Variants in OVOL3 observed in about 807,000 individuals in gnomAD.
The protein encoded by OVOL3 is putative transcription factor ovo-like protein 3.
Under a neutral mutation model 13.6 loss-of-function variants are expected in OVOL3, and 15 were observed. The ratio of observed to expected loss-of-function variants is 1.11; its 90% CI spans 0.74 to 1.70. OVOL3 has a LOEUF of 1.70. Among genes scored for constraint, OVOL3 ranks in the 40% most tolerant of loss-of-function variants. The pLI, the probability that OVOL3 is intolerant of heterozygous loss-of-function variation, is 0.00. For synonymous variants in OVOL3, 102 were observed against 108.5 expected (o/e 0.94, Z 0.37); for missense variants, 290 against 280.6 (o/e 1.03, Z -0.24).
chr19:36,113,034 G>T, intron 3 of OVOL3, 70 bp downstream of exon 3: 2 of 1,442,056 alleles, frequency 1.4e-6, no homozygotes, highest in Non-Finnish European at 1.9e-6. Flanking sequence ...GGAGAGAGGT[G>T]CTGGGCTGTG....
rs572444784 is a variant in OVOL3 at position 36,111,469 on chromosome 19, C to T, written c.159+36C>T. The T allele has an allele frequency of 1.1e-5, 17 of 1,528,448 alleles. No individual in the cohort carries two copies. The East Asian group carries it at 1.5e-4, about 13-fold the overall frequency. 94.7% of individuals were successfully genotyped at this position (1,528,448 alleles called of 1,614,324 possible). ...AACTGGCTAGCAAAGCCAGCTGTTT[C>T]GCTCCTGCCTGCTCTCAGCCTTAAT... On this transcript the variant is annotated intron_variant, in intron 2 of 3. Transcript: ENST00000633214.
chr19:36,112,983 A>G lies in OVOL3; in HGVS notation c.364+19A>G, dbSNP rs921804655. ...CACACTGGTGAGCAGTGGCAGGGAC[A>G]GGGAAAAGTTGCTGGGCCCCAGGTG... On this transcript the variant is annotated intron_variant, in intron 3 of 3. Transcript: ENST00000633214. 4 of 1,532,188 alleles carry G rather than the reference A, an allele frequency of 2.6e-6. No homozygotes were observed. The Admixed American group carries it at 5.9e-5, about 23-fold the overall frequency. 94.9% of individuals were successfully genotyped at this position (1,532,188 alleles called of 1,614,324 possible).
chr19:36,112,921 T>C lies in OVOL3; in HGVS notation c.321T>C (p.Phe107=). 1.3e-6 allele frequency: 2 copies of C among 1,536,250 alleles called. No individual in the cohort carries two copies. The highest frequency in any genetic ancestry group is 1.7e-6 in the Non-Finnish European group (2 of 1,146,936). ...RHLCRCCGKG[F]HDAFDLKRHM... ...TGTGCCGCTGTTGTGGCAAGGGCTT[T>C]CATGACGCCTTCGATCTCAAGCGCC... The change falls in exon 3 of 4, where the codon TTT becomes TTC. Residue 107 remains phenylalanine, a synonymous_variant. Coordinates refer to ENST00000633214, the MANE Select transcript of OVOL3 (RefSeq NM_001302757.2).
At chr19:36,112,689 A>C (rs1973851484) in intron 2 of OVOL3, 71 bp from the exon 3 acceptor site, 3 of 1,345,112 alleles carry the variant, frequency 2.2e-6, no homozygotes, top group Non-Finnish European at 3.0e-6. Context: ...CTCTGTAAAT[A>C]CTCATTTGCA....
Position 36,111,675 on chromosome 19 carries a change from C to G in OVOL3, c.159+242C>G, listed in dbSNP as rs565215307. On this transcript the variant is annotated intron_variant, in intron 2 of 3. Coordinates refer to ENST00000633214, the MANE Select transcript of OVOL3 (RefSeq NM_001302757.2). ...CACAGGGATCTCTTCCAGCGGGGCA[C>G]AAGATTCATCCCCACATGTGGATGA... 6.0e-6 allele frequency: 4 copies of G among 666,376 alleles called. No individual in the cohort carries two copies. In the East Asian group the frequency reaches 1.2e-4, roughly 20 times the overall value. 41.3% of individuals were successfully genotyped at this position (666,376 alleles called of 1,614,324 possible). A position where few individuals can be genotyped will look rare whatever the true frequency, so the allele number is the denominator to read the frequency against.
intron 1 of OVOL3, 21 bp from the exon 2 acceptor site, chr19:36,111,348 C>T (rs921218618): frequency 3.3e-6 from 5 of 1,535,482 alleles, no homozygotes; most frequent in Non-Finnish European, 4.4e-6. Context: ...CGCAGTGTCA[C>T]CATCTGGCTT....
rs1320497743 is a variant in OVOL3 at position 36,113,617 on chromosome 19, C to T, written c.529C>T (p.Pro177Ser). The T allele has an allele frequency of 3.2e-6, 5 of 1,543,880 alleles. No individual in the cohort carries two copies. Among genetic ancestry groups the T allele is most frequent in the Non-Finnish European group, 4.4e-6 (5 of 1,146,910 alleles). The change falls in exon 4 of 4, where the codon CCC becomes TCC. Residue 177 changes from proline to serine, a missense_variant. By Grantham distance (74) the Pro-to-Ser change is moderately conservative. Transcript: ENST00000633214. ...CEDCGFTSSR[P>S]DTYAQHRALH... The stretch of plus-strand genomic sequence containing the variant: ...GGACTGCGGCTTCACCAGCTCCCGG[C>T]CCGACACCTACGCACAGCACCGCGC...
At position 36,112,893 on chromosome 19, in the gene OVOL3, A is replaced by C; in HGVS notation, c.293A>C (p.His98Pro). ...AAGTGCCACAGCCCCGTGCGCCGCC[A>C]CCTGTGCCGCTGTTGTGGCAAGGGC... ...HLKCHSPVRR[H>P]LCRCCGKGFH... Residue 98 changes from histidine to proline, a missense_variant, in exon 3 of 4, where the codon CAC (histidine) becomes CCC (proline). Physicochemically the swap from His to Pro is moderately conservative, Grantham distance 77. Coordinates refer to ENST00000633214, the MANE Select transcript of OVOL3 (RefSeq NM_001302757.2). The C allele has an allele frequency of 6.5e-7, 1 of 1,536,168 alleles. No homozygotes were observed. Among genetic ancestry groups the C allele is most frequent in the South Asian group, 1.2e-5 (1 of 84,066 alleles).
chr19:36,112,579 G>A (rs537192350), intron 2 of OVOL3, among the ~76,000 whole-genome samples, 181 bp from the exon 3 acceptor site: 5 of 152,212 alleles, frequency 3.3e-5, no homozygotes, highest in Admixed American at 1.3e-4. Context: ...AGAAAGTAAG[G>A]ACCATGGGAT....
rs140340806 is a variant in OVOL3 at position 36,111,345 on chromosome 19, T to A, written c.95-24T>A. 4,397 of 1,535,424 alleles carry A rather than the reference T, an allele frequency of 2.9e-3. 14 individuals are homozygous for A. The highest frequency in any genetic ancestry group is 3.5e-3 in the Non-Finnish European group (3,977 of 1,146,434). On this transcript the variant is annotated intron_variant, in intron 1 of 3. Coordinates refer to ENST00000633214, the MANE Select transcript of OVOL3 (RefSeq NM_001302757.2). ...GGTAAGGGGCAGGAGAGACGCAGTG[T>A]CACCATCTGGCTTTTCTCCTCAGAC...
At chr19:36,113,045 G>T in intron 3 of OVOL3, 81 bp downstream of exon 3, 1 of 1,385,158 alleles carries the variant, frequency 7.2e-7, no homozygotes, top group Non-Finnish European at 9.8e-7. Flanking sequence ...CTGGGCTGTG[G>T]AGTGTCCATG....
In OVOL3 at chr19:36,111,430, A is replaced by G. The variant is rs910099459; in HGVS notation, c.156A>G (p.Thr52=). 39 of 1,535,802 alleles carry G rather than the reference A, an allele frequency of 2.5e-5. No homozygotes were observed. In the Admixed American group the frequency reaches 6.9e-4, roughly 27 times the overall value. The change falls in exon 2 of 4, where the codon ACA becomes ACG. Residue 52 remains threonine (T), a synonymous_variant. Coordinates refer to ENST00000633214, the MANE Select transcript of OVOL3 (RefSeq NM_001302757.2). Reference sequence around the variant, plus strand: ...CGTCCAGTGTCAGGGATCCGTGGACAGCGGTGAGTGTGTAACTGGCTAGCA... The same window carrying G: ...CGTCCAGTGTCAGGGATCCGTGGACGGCGGTGAGTGTGTAACTGGCTAGCA... ...QQSSSVRDPW[T]AQPTQGNLTS... is the part of the protein sequence containing the mutation.
Position 36,111,288 on chromosome 19 carries a change from A to G in OVOL3, c.86A>G (p.Tyr29Cys), listed in dbSNP as rs548898479. Residue 29 changes from tyrosine (Y) to cysteine (C), a missense_variant, in exon 1 of 4, where the codon TAT becomes TGT. By Grantham distance (194) the Tyr-to-Cys change is radical (BLOSUM62 -2). Coordinates refer to ENST00000633214, the MANE Select transcript of OVOL3 (RefSeq NM_001302757.2). Reference sequence around the variant, plus strand: ...CCTGACCAGCTCCGGGGAGATGCCTATATCCCAGGTGGGCCCCTCACTGTG... The same window carrying G: ...CCTGACCAGCTCCGGGGAGATGCCTGTATCCCAGGTGGGCCCCTCACTGTG... ...HLPDQLRGDA[Y>C]IPDCSSLGGP... 64 of 1,536,012 alleles carry G rather than the reference A, an allele frequency of 4.2e-5. No individual in the cohort carries two copies. Among genetic ancestry groups the G allele is most frequent in the Non-Finnish European group, 5.4e-5 (62 of 1,146,830 alleles).
chr19:36,112,230 GAAA>G (rs869232127), intron 2 of OVOL3, among the ~76,000 whole-genome samples: 2 of 151,550 alleles, frequency 1.3e-5, no homozygotes, highest in Non-Finnish European at 2.9e-5. Context: ...AATAAAATTA[GAAA>G]AATAGACCGG....
rs1390229667 is a variant in OVOL3 at position 36,111,294 on chromosome 19, C to G, written c.92C>G (p.Pro31Arg). Reference protein sequence around the residue: ...PDQLRGDAYIPDCSSLGGPPA... With the variant: ...PDQLRGDAYIRDCSSLGGPPA... ...CAGCTCCGGGGAGATGCCTATATCC[C>G]AGGTGGGCCCCTCACTGTGCCTGGA... is the stretch of plus-strand genomic sequence containing the variant. The change falls in exon 1 of 4, where the codon CCA becomes CGA. Residue 31 changes from proline (P) to arginine (R), a missense_variant and splice_region_variant. Coordinates refer to ENST00000633214, the MANE Select transcript of OVOL3 (RefSeq NM_001302757.2). 1.3e-6 allele frequency: 2 copies of G among 1,535,892 alleles called. No individual in the cohort carries two copies. The highest frequency in any genetic ancestry group is 2.7e-5 in the African/African-American group (2 of 73,038).
chr19:36,111,668 C>T (rs1055663843), intron 2 of OVOL3: 19 of 671,594 alleles, frequency 2.8e-5, no homozygotes, highest in Non-Finnish European at 4.4e-5. Flanking sequence ...TCTCTTCCAG[C>T]GGGGCACAAG....
rs2145899790 is a variant in OVOL3, at chr19:36,111,506, C to G, written c.159+73C>G. On this transcript the variant is annotated intron_variant, in intron 2 of 3. Coordinates refer to ENST00000633214, the MANE Select transcript of OVOL3 (RefSeq NM_001302757.2). ...CTCTCAGCCTTAATGAAGCTGACAGCCCCTTGCTCCCCCGACCCATCTGCA... is the reference window on the plus strand; with the variant it reads ...CTCTCAGCCTTAATGAAGCTGACAGGCCCTTGCTCCCCCGACCCATCTGCA... 2.8e-6 allele frequency: 4 copies of G among 1,441,322 alleles called. No individual in the cohort carries two copies. The East Asian group carries it at 9.9e-5, about 36-fold the overall frequency. 89.3% of individuals were successfully genotyped at this position (1,441,322 alleles called of 1,614,324 possible).
intron 2 of OVOL3, among the ~76,000 whole-genome samples, chr19:36,112,260 C>T (rs1274540131): frequency 1.3e-5 from 2 of 152,092 alleles, no homozygotes; most frequent in Admixed American, 1.3e-4. Flanking sequence ...TGGCTCATGC[C>T]TGTAATCCCA....
At position 36,112,799 on chromosome 19, in the gene OVOL3, C is replaced by T. The variant is rs1489186396; in HGVS notation, c.199C>T (p.Pro67Ser). ...CAACCTGACCTCTGCTCCCAGGGGC[C>T]CTGGGACGCTGGGCTGCCCGCTCTG... ...QGNLTSAPRG[P>S]GTLGCPLCPK... The change falls in exon 3 of 4, where the codon CCT (proline) becomes TCT (serine). Residue 67 changes from proline to serine, a missense_variant. Coordinates refer to ENST00000633214, the MANE Select transcript of OVOL3 (RefSeq NM_001302757.2). 15 of 1,534,940 alleles carry T rather than the reference C, an allele frequency of 9.8e-6. No individual in the cohort carries two copies. The highest frequency in any genetic ancestry group is 1.8e-4 in the Middle Eastern group (1 of 5,406).
Sources: allele counts gnomAD v4.1 joint callset (sites outside exome capture counted in the v4.1 genomes callset), GRCh38; gene constraint gnomAD v4.1.1; transcripts MANE v1.5; gene names NCBI Gene and HGNC (gene_info 2026-07-23, HGNC 2026-07-21).